The following COPZ1 variants were observed in gnomAD, a reference collection of about 807,000 sequenced individuals.
COPZ1 encodes the protein coat protein complex I subunit zeta 1.
In COPZ1, 4 loss-of-function variants were observed where a neutral mutation model predicts 31.7. That is an observed-to-expected ratio of 0.13 (90% CI 0.06 to 0.29). The LOEUF (loss-of-function observed/expected upper bound fraction) is 0.29. Among genes scored for constraint, COPZ1 ranks in the 10% least tolerant of loss-of-function variants. The pLI, the probability that COPZ1 is intolerant of heterozygous loss-of-function variation, is 1.00. For missense variants in COPZ1, 156 were observed against 211.5 expected, an observed-to-expected ratio of 0.74 and a Z score of 1.63; for synonymous variants, 74 against 79.0, an observed-to-expected ratio of 0.94 and a Z score of 0.33.
chr12:54,343,126 G>C (rs775932106), intron 3 of COPZ1, 99 bp from the exon 4 acceptor site: 42 of 918,192 alleles, frequency 4.6e-5, no homozygotes, highest in Admixed American at 1.6e-4. Context: ...CAAGGTGCTG[G>C]GATTACAGGC....
At chr12:54,348,685 C>T (rs935635674) in intron 7 of COPZ1, among the ~76,000 whole-genome samples, 2 of 151,782 alleles carry the variant, frequency 1.3e-5, no homozygotes, top group Non-Finnish European at 2.9e-5. Flanking sequence ...TGCAGTGAGC[C>T]GAGATTGCAC....
chr12:54,327,998 T>C (rs934617142), intron 1 of COPZ1, among the ~76,000 whole-genome samples: 7 of 151,968 alleles, frequency 4.6e-5, no homozygotes, highest in Admixed American at 6.6e-5. Flanking sequence ...TCGGGCGCAG[T>C]GCAGTGGCTC....
intron 3 of COPZ1, 33 bp from the exon 4 acceptor site, chr12:54,343,192 C>T (rs1954004920): frequency 1.3e-6 from 2 of 1,539,752 alleles, no homozygotes. Flanking sequence ...TATCTCAAGC[C>T]ACCCACTATT....
chr12:54,342,201 A>T lies in COPZ1; in HGVS notation c.88-5A>T. 6.2e-7 allele frequency: 1 copy of T among 1,610,158 alleles called. No individual in the cohort carries two copies. Among genetic ancestry groups the T allele is most frequent in the South Asian group, 1.1e-5 (1 of 91,004 alleles). ...CCCAACCCTGTCTTCTTTCCCTCTGACCAGTACTATGACGACACCTACCCC... is the reference window on the plus strand; with the variant it reads ...CCCAACCCTGTCTTCTTTCCCTCTGTCCAGTACTATGACGACACCTACCCC... On this transcript the variant is annotated splice_polypyrimidine_tract_variant and splice_region_variant and intron_variant, in intron 2 of 8. Coordinates refer to ENST00000262061, the MANE Select transcript of COPZ1 (RefSeq NM_016057.3).
intron 1 of COPZ1, among the ~76,000 whole-genome samples, chr12:54,326,961 CTTTTTTTTTTTTTTT>C (rs60827109): frequency 4.9e-3 from 213 of 43,544 alleles, no homozygotes; most frequent in Non-Finnish European, 6.4e-3. Flanking sequence ...AACAAGTATT[CTTTTTTTTTTTTTTT>C]TTTTTTTTTT....
intron 1 of COPZ1, among the ~76,000 whole-genome samples, chr12:54,339,512 TA>T (rs1169812695): frequency 6.6e-6 from 1 of 152,088 alleles, no homozygotes; most frequent in East Asian, 1.9e-4. Flanking sequence ...CACACCTGGC[TA>T]ATTTTTTTTA....
chr12:54,328,842 G>A (rs1383621814), intron 1 of COPZ1, among the ~76,000 whole-genome samples: 1 of 152,114 alleles, frequency 6.6e-6, no homozygotes, highest in Admixed American at 6.6e-5. Context: ...AACTCTACAA[G>A]GTACATACAT....
intron 1 of COPZ1, among the ~76,000 whole-genome samples, chr12:54,326,637 A>AGG (rs1016122929): frequency 5.2e-5 from 5 of 96,114 alleles, no homozygotes; most frequent in Non-Finnish European, 8.2e-5. Flanking sequence ...TGCGATTTGG[A>AGG]GGGGTGTGTG....
At chr12:54,347,266 C>T (rs1255167899) in intron 5 of COPZ1, among the ~76,000 whole-genome samples, 2 of 152,178 alleles carry the variant, frequency 1.3e-5, no homozygotes, top group East Asian at 1.9e-4. Flanking sequence ...ACCCTGCCCC[C>T]TCTTTGGGCT....
At chr12:54,342,389 T>C in intron 3 of COPZ1, 102 bp downstream of exon 3, 2 of 844,084 alleles carry the variant, frequency 2.4e-6, no homozygotes, top group Non-Finnish European at 4.0e-6. Flanking sequence ...CTCTGCCTTT[T>C]TCTTTTTTTT....
Position 54,325,150 on chromosome 12 carries a change from A to G in COPZ1, c.-14A>G. 5 of 1,562,686 alleles carry G rather than the reference A, an allele frequency of 3.2e-6. No homozygotes were observed. Among genetic ancestry groups the G allele is most frequent in the Non-Finnish European group, 4.3e-6 (5 of 1,153,844 alleles). On this transcript the variant is annotated 5_prime_UTR_variant, in exon 1 of 9. Coordinates refer to ENST00000262061, the MANE Select transcript of COPZ1 (RefSeq NM_016057.3). The stretch of plus-strand genomic sequence containing the variant: ...TCTTTTGCGGCTCCACGTCGGCACC[A>G]GCTGCGGGGCAAGATGGAGGCGCTG...
At chr12:54,340,680 G>C in intron 2 of COPZ1, 65 bp downstream of exon 2, 1 of 1,488,814 alleles carries the variant, frequency 6.7e-7, no homozygotes, top group Non-Finnish European at 9.2e-7. Context: ...TTGAATCTTG[G>C]GACTGATACC....
At chr12:54,331,458 T>A (rs1953753699) in intron 1 of COPZ1, among the ~76,000 whole-genome samples, 1 of 152,034 alleles carries the variant, frequency 6.6e-6, no homozygotes, top group South Asian at 2.1e-4. Context: ...GGATTACAGG[T>A]GTGAGCCACT....
rs1954143915 is a variant in COPZ1 at position 54,351,322 on chromosome 12, C to A, written c.*799C>A. On this transcript the variant is annotated 3_prime_UTR_variant, in exon 9 of 9. Coordinates refer to ENST00000262061, the MANE Select transcript of COPZ1 (RefSeq NM_016057.3). ...GCAAAGCCAGTTCCTAAAACTAAAA[C>A]TCCATTCTAGTCTTGGGAAGAAAAG... The A allele has an allele frequency of 6.6e-6, 1 of 152,204 alleles. No individual in the cohort carries two copies. Among genetic ancestry groups the A allele is most frequent in the Non-Finnish European group, 1.5e-5 (1 of 68,054 alleles). 9.4% of individuals were successfully genotyped at this position (152,204 alleles called of 1,614,324 possible).
chr12:54,342,990 G>A (rs1402564855), intron 3 of COPZ1, among the ~76,000 whole-genome samples: 1 of 151,752 alleles, frequency 6.6e-6, no homozygotes, highest in South Asian at 2.1e-4. Flanking sequence ...CTGAGTAGCA[G>A]GGATTACAGG....
intron 1 of COPZ1, among the ~76,000 whole-genome samples, chr12:54,330,978 T>G (rs539548698): frequency 1.4e-4 from 21 of 152,148 alleles, no homozygotes; most frequent in Non-Finnish European, 2.8e-4. Context: ...GTCCCTCCTG[T>G]TTTTGGGCAG....
At chr12:54,327,593 G>A (rs768520718) in intron 1 of COPZ1, among the ~76,000 whole-genome samples, 25 of 152,086 alleles carry the variant, frequency 1.6e-4, no homozygotes, top group Non-Finnish European at 3.1e-4. Flanking sequence ...CACCGTGCCC[G>A]GCAGCAAGTA....
At chr12:54,339,953 G>A (rs1388403146) in intron 1 of COPZ1, among the ~76,000 whole-genome samples, 1 of 129,472 alleles carries the variant, frequency 7.7e-6, no homozygotes, top group East Asian at 2.0e-4. Context: ...GTTTTACTAG[G>A]CTGCATTGAG....
At chr12:54,347,259 C>T (rs1308007626) in intron 5 of COPZ1, among the ~76,000 whole-genome samples, 1 of 152,234 alleles carries the variant, frequency 6.6e-6, no homozygotes, top group Non-Finnish European at 1.5e-5. Flanking sequence ...TATGCAGACC[C>T]TGCCCCCTCT....
Sources: gnomAD v4.1 joint callset for allele counts (sites outside exome capture counted in the v4.1 genomes callset) on GRCh38, gnomAD v4.1.1 for gene constraint, MANE v1.5 for transcripts, NCBI Gene and HGNC (gene_info 2026-07-23, HGNC 2026-07-21) for gene names.